Variants in CWC27 observed in about 807,000 individuals in gnomAD.
CWC27 encodes the protein spliceosome-associated protein CWC27 homolog.
Under a neutral mutation model 63.6 loss-of-function variants are expected in CWC27, and 47 were observed. The observed-to-expected ratio is 0.74, with a 90% CI of 0.58 to 0.94. The LOEUF (loss-of-function observed/expected upper bound fraction) is 0.94, where lower values mean the gene tolerates loss of function less well. Ranked by LOEUF, CWC27 falls within the 40% of genes least tolerant of loss-of-function variation. The probability of loss-of-function intolerance (pLI) is 0.00; values close to 1 mark genes in which losing one functional copy is unlikely to be tolerated. For synonymous variants in CWC27, 175 were observed against 179.8 expected, an observed-to-expected ratio of 0.97 and a Z score of 0.22; for missense variants, 495 against 554.3, an observed-to-expected ratio of 0.89 and a Z score of 1.07.
At chr5:64,987,350 A>C (rs1371282967) in intron 13 of CWC27, among the ~76,000 whole-genome samples, 1 of 152,206 alleles carries the variant, frequency 6.6e-6, no homozygotes, top group Non-Finnish European at 1.5e-5. Context: ...TCTTACATGT[A>C]TGTAGGTCCT....
At chr5:64,932,984 A>G (rs1409595447) in intron 11 of CWC27, among the ~76,000 whole-genome samples, 4 of 152,276 alleles carry the variant, frequency 2.6e-5, no homozygotes, top group South Asian at 2.1e-4. Flanking sequence ...GTCTTATTGT[A>G]TATTAAATTA....
chr5:65,006,366 T>G (rs978487587), intron 13 of CWC27, among the ~76,000 whole-genome samples: 24 of 152,186 alleles, frequency 1.6e-4, no homozygotes, highest in African/African-American at 5.8e-4. Flanking sequence ...AGGTCAGTAT[T>G]GTGACCAGAT....
At chr5:64,924,847 A>T (rs964041999) in intron 11 of CWC27, among the ~76,000 whole-genome samples, 1 of 152,124 alleles carries the variant, frequency 6.6e-6, no homozygotes, top group Non-Finnish European at 1.5e-5. Context: ...TAGAAATTTT[A>T]TGTAAAGCAT....
rs1336286864 is a variant in CWC27 at position 64,889,158 on chromosome 5, G to T, written c.1042+3612G>T. The stretch of plus-strand genomic sequence containing the variant: ...TGATGAATTGTCATAGATCAAAAGA[G>T]ACTAAGGAGACATGGCAAATAAATG... On this transcript the variant is annotated intron_variant, in intron 11 of 13. Transcript: ENST00000381070. Among the ~76,000 whole-genome samples the T allele has an allele frequency of 3.3e-5, 5 of 152,046 alleles. No homozygotes were observed. The East Asian group carries it at 9.6e-4, about 29-fold the overall frequency.
chr5:64,952,322 G>A (rs1748724690), intron 11 of CWC27, among the ~76,000 whole-genome samples: 1 of 151,908 alleles, frequency 6.6e-6, no homozygotes, highest in Admixed American at 6.6e-5. Flanking sequence ...TGGATACAGA[G>A]GGCCAACTGT....
chr5:64,884,946 T>C (rs1367854183), intron 10 of CWC27, among the ~76,000 whole-genome samples: 1 of 152,118 alleles, frequency 6.6e-6, no homozygotes, highest in Non-Finnish European at 1.5e-5. Flanking sequence ...AGTTAAAAAC[T>C]TGGGTTTAAA....
intron 13 of CWC27, among the ~76,000 whole-genome samples, chr5:65,006,994 GAAAGAAAGAAAGA>G (rs1177454681): frequency 2.0e-5 from 3 of 149,084 alleles, no homozygotes; most frequent in Admixed American, 6.7e-5. Flanking sequence ...AAGAAAGAAA[GAAAGAAAGAAAGA>G]AAGAAAGAAA....
chr5:64,841,083 A>G (rs1745822130), intron 10 of CWC27, among the ~76,000 whole-genome samples: 1 of 152,190 alleles, frequency 6.6e-6, no homozygotes, highest in South Asian at 2.1e-4. Context: ...ATAACAGAAT[A>G]TGAAAGAATG....
At chr5:64,885,124 C>T (rs1747035087) in intron 10 of CWC27, among the ~76,000 whole-genome samples, 1 of 151,876 alleles carries the variant, frequency 6.6e-6, no homozygotes, top group Non-Finnish European at 1.5e-5. Context: ...TGTTTTGATC[C>T]AGTATCTCCG....
chr5:64,953,636 T>C (rs1217372196), intron 11 of CWC27, among the ~76,000 whole-genome samples: 1 of 152,104 alleles, frequency 6.6e-6, no homozygotes, highest in African/African-American at 2.4e-5. Flanking sequence ...CAAATAATCC[T>C]TCTACAATAA....
At chr5:64,868,036 T>C (rs1377914745) in intron 10 of CWC27, among the ~76,000 whole-genome samples, 1 of 151,990 alleles carries the variant, frequency 6.6e-6, no homozygotes. Context: ...TACAATAGTA[T>C]TGTGCTGCAG....
At chr5:65,009,602 T>C (rs2112473064) in intron 13 of CWC27, among the ~76,000 whole-genome samples, 1 of 152,292 alleles carries the variant, frequency 6.6e-6, no homozygotes, top group East Asian at 1.9e-4. Flanking sequence ...CCGCTCTCCC[T>C]GCATCCCTGT....
intron 10 of CWC27, among the ~76,000 whole-genome samples, chr5:64,882,553 T>C (rs1030541199): frequency 6.6e-6 from 1 of 152,234 alleles, no homozygotes; most frequent in African/African-American, 2.4e-5. Context: ...ATTTTGGATA[T>C]ATTAAGTATG....
chr5:65,018,063 T>C (rs1750081148), intron 13 of CWC27, 96 bp from the exon 14 acceptor site: 1 of 1,127,496 alleles, frequency 8.9e-7, no homozygotes, highest in Non-Finnish European at 1.2e-6. Context: ...GTGTTCTGTA[T>C]GCTTATGTTT....
At chr5:64,789,089 T>C (rs1448195570) in intron 7 of CWC27, 69 bp downstream of exon 7, 3 of 976,942 alleles carry the variant, frequency 3.1e-6, no homozygotes, top group Non-Finnish European at 4.6e-6. Flanking sequence ...CTCACTATTG[T>C]ATCTCCTGCT....
chr5:64,905,500 A>G (rs938436908), intron 11 of CWC27, among the ~76,000 whole-genome samples: 5 of 152,160 alleles, frequency 3.3e-5, no homozygotes, highest in Non-Finnish European at 5.9e-5. Flanking sequence ...TTATCTTTTA[A>G]TCTGAAAATA....
chr5:64,926,261 A>G (rs1210477679), intron 11 of CWC27, among the ~76,000 whole-genome samples: 1 of 151,748 alleles, frequency 6.6e-6, no homozygotes, highest in Non-Finnish European at 1.5e-5. Flanking sequence ...AAACCCCTAT[A>G]TTTTACTCAA....
At chr5:64,849,968 T>A (rs1418315392) in intron 10 of CWC27, among the ~76,000 whole-genome samples, 1 of 152,252 alleles carries the variant, frequency 6.6e-6, no homozygotes, top group Non-Finnish European at 1.5e-5. Flanking sequence ...TTTATAGCAG[T>A]GTGAGAATGG....
At chr5:64,945,120 A>G (rs932953561) in intron 11 of CWC27, among the ~76,000 whole-genome samples, 1 of 152,122 alleles carries the variant, frequency 6.6e-6, no homozygotes, top group African/African-American at 2.4e-5. Flanking sequence ...AGATGTTCAC[A>G]TGGCTCATTC....
Sources: allele counts gnomAD v4.1 joint callset (sites outside exome capture counted in the v4.1 genomes callset), GRCh38; gene constraint gnomAD v4.1.1; transcripts MANE v1.5; gene names NCBI Gene and HGNC (gene_info 2026-07-23, HGNC 2026-07-21).